TRIQK: variants seen among roughly 807,000 people sequenced by gnomAD.
The protein encoded by TRIQK is triple QxxK/R motif containing, also known as triple QxxK/R motif-containing protein.
In TRIQK, 10 loss-of-function variants were observed where a neutral mutation model predicts 10.8. The observed-to-expected ratio is 0.92, with a 90% CI of 0.57 to 1.57. The LOEUF (loss-of-function observed/expected upper bound fraction) is 1.57, where lower values mean the gene tolerates loss of function less well. TRIQK is among the 40% of genes most tolerant of loss of function. TRIQK has a pLI of 0.00. For synonymous variants in TRIQK, 33 were observed against 33.7 expected, an observed-to-expected ratio of 0.98 and a Z score of 0.07; for missense variants, 107 against 97.7, an observed-to-expected ratio of 1.09 and a Z score of -0.40.
At chr8:92,920,565 C>A (rs1440330482) in intron 2 of TRIQK, among the ~76,000 whole-genome samples, 1 of 151,066 alleles carries the variant, frequency 6.6e-6, no homozygotes, top group Non-Finnish European at 1.5e-5. Context: ...AGACAAAGAG[C>A]AGATTAGGGG....
At chr8:93,003,482 C>T (rs943913425) in intron 1 of TRIQK, among the ~76,000 whole-genome samples, 2 of 152,116 alleles carry the variant, frequency 1.3e-5, no homozygotes, top group African/African-American at 2.4e-5. Context: ...CCATCACTGG[C>T]AATTACAATT....
chr8:92,902,953 A>G (rs1246955047), intron 3 of TRIQK, among the ~76,000 whole-genome samples: 1 of 151,920 alleles, frequency 6.6e-6, no homozygotes, highest in Non-Finnish European at 1.5e-5. Context: ...TATAAAATAT[A>G]TACCTAACTT....
intron 1 of TRIQK, among the ~76,000 whole-genome samples, chr8:93,008,258 C>G (rs1322673232): frequency 1.3e-5 from 2 of 152,102 alleles, no homozygotes; most frequent in East Asian, 1.9e-4. Flanking sequence ...TGTAATAAAC[C>G]TGCACATACT....
intron 3 of TRIQK, among the ~76,000 whole-genome samples, chr8:92,915,074 G>A (rs1809755925): frequency 6.6e-6 from 1 of 152,058 alleles, no homozygotes; most frequent in African/African-American, 2.4e-5. Context: ...TGAAATTGGA[G>A]GACATTATGC....
intron 1 of TRIQK, among the ~76,000 whole-genome samples, chr8:92,964,391 T>C (rs1812621666): frequency 6.6e-6 from 1 of 151,418 alleles, no homozygotes; most frequent in South Asian, 2.1e-4. Flanking sequence ...AAGTGGTAAA[T>C]GACACCAAAA....
intron 1 of TRIQK, among the ~76,000 whole-genome samples, chr8:93,015,070 C>T (rs1301190064): frequency 6.6e-6 from 1 of 151,856 alleles, no homozygotes; most frequent in Non-Finnish European, 1.5e-5. Flanking sequence ...TAAAGACTAT[C>T]AAAATATCAG....
chr8:92,944,752 C>T (rs921173577), intron 2 of TRIQK, among the ~76,000 whole-genome samples: 2 of 152,000 alleles, frequency 1.3e-5, no homozygotes, highest in African/African-American at 4.8e-5. Context: ...TAACAGTACA[C>T]AGTTACAGTT....
In TRIQK at chr8:92,892,038, C is replaced by A. The variant is rs761611332; in HGVS notation, c.98G>T (p.Arg33Leu). The change falls in exon 4 of 5, where the codon CGA becomes CTA. Residue 33 changes from arginine to leucine, a missense_variant. Coordinates refer to ENST00000521988, the MANE Select transcript of TRIQK (RefSeq NM_001171797.2). Reference protein sequence around the residue: ...QDYKKTKPILRATKLKAEAKK... With the variant: ...QDYKKTKPILLATKLKAEAKK... ...TGCTTCTGCTTTTAATTTGGTTGCT[C>A]GTAAAATAGGTTTAGTTTTTTTATA... 6.5e-7 allele frequency: 1 copy of A among 1,532,900 alleles called. No individual in the cohort carries two copies. The allele number at this position is 1,532,900 out of a possible 1,614,324, so 95.0% of individuals were successfully genotyped here. A position where few individuals can be genotyped will look rare whatever the true frequency, so the allele number is the denominator to read the frequency against.
At chr8:92,905,575 T>C (rs2130374961) in intron 3 of TRIQK, among the ~76,000 whole-genome samples, 1 of 152,306 alleles carries the variant, frequency 6.6e-6, no homozygotes, top group Admixed American at 6.5e-5. Flanking sequence ...GTTGTTCATG[T>C]TCTTGTTTTT....
chr8:93,011,899 C>T (rs1042538446), intron 1 of TRIQK, among the ~76,000 whole-genome samples: 1 of 152,008 alleles, frequency 6.6e-6, no homozygotes, highest in Non-Finnish European at 1.5e-5. Flanking sequence ...ATTCTCTTAC[C>T]CACCACCCTC....
intron 1 of TRIQK, among the ~76,000 whole-genome samples, chr8:93,012,652 T>C (rs1277605211): frequency 6.6e-6 from 1 of 152,168 alleles, no homozygotes; most frequent in Non-Finnish European, 1.5e-5. Flanking sequence ...GAAAAGACCA[T>C]AAAGCCGTTA....
At chr8:92,992,310 G>T (rs1452499569) in intron 1 of TRIQK, among the ~76,000 whole-genome samples, 2 of 152,176 alleles carry the variant, frequency 1.3e-5, no homozygotes, top group Non-Finnish European at 2.9e-5. Context: ...CTGAGGGAGA[G>T]GTAGAAGCAA....
At chr8:93,008,317 A>G (rs571855448) in intron 1 of TRIQK, among the ~76,000 whole-genome samples, 108 of 152,300 alleles carry the variant, frequency 7.1e-4, no homozygotes, top group Non-Finnish European at 1.3e-3. Context: ...AATTTTAAAA[A>G]TTGTTGAAAA....
chr8:92,901,535 T>C (rs954203475), intron 3 of TRIQK, among the ~76,000 whole-genome samples: 6 of 150,820 alleles, frequency 4.0e-5, no homozygotes, highest in African/African-American at 1.2e-4. Context: ...TCTATTGATA[T>C]GATGTATCAC....
chr8:92,933,010 C>T (rs1810812560), intron 2 of TRIQK, among the ~76,000 whole-genome samples: 1 of 152,046 alleles, frequency 6.6e-6, no homozygotes, highest in Non-Finnish European at 1.5e-5. Flanking sequence ...CCCACTTCCC[C>T]TTTAGTAGAG....
At chr8:93,004,666 A>C (rs1461200233) in intron 1 of TRIQK, among the ~76,000 whole-genome samples, 3 of 152,198 alleles carry the variant, frequency 2.0e-5, no homozygotes, top group Non-Finnish European at 4.4e-5. Flanking sequence ...CATGCAAATG[A>C]GTGTAGCCTT....
chr8:93,016,052 T>C (rs1813382194), intron 1 of TRIQK, among the ~76,000 whole-genome samples: 1 of 152,210 alleles, frequency 6.6e-6, no homozygotes, highest in Non-Finnish European at 1.5e-5. Context: ...TCCTAATTCT[T>C]TACTAATTCT....
At chr8:93,016,817 C>G (rs1813388264) in intron 1 of TRIQK, among the ~76,000 whole-genome samples, 2 of 152,052 alleles carry the variant, frequency 1.3e-5, no homozygotes, top group Non-Finnish European at 2.9e-5. Flanking sequence ...GGTAGCACAT[C>G]AGGAGGTGGG....
chr8:92,971,185 T>TGTAGTTACTTGTAGTTACTTG (rs1812874013), intron 1 of TRIQK, among the ~76,000 whole-genome samples: 1 of 152,142 alleles, frequency 6.6e-6, no homozygotes, highest in Non-Finnish European at 1.5e-5. Flanking sequence ...CCGTGCTTCT[T>TGTAGTTACTTGTAGTTACTTG]TGGTTACTGT....
Sources: allele counts gnomAD v4.1 joint callset (sites outside exome capture counted in the v4.1 genomes callset), GRCh38; gene constraint gnomAD v4.1.1; transcripts MANE v1.5; gene names NCBI Gene and HGNC (gene_info 2026-07-23, HGNC 2026-07-21).